ACTR3C: variants seen among roughly 807,000 people sequenced by gnomAD.
ACTR3C encodes the protein actin-related protein 3C.
ACTR3C carries 18 observed loss-of-function variants against 26.3 expected under a neutral mutation model. The ratio of observed to expected loss-of-function variants is 0.68; its 90% CI spans 0.47 to 1.01. The LOEUF is 1.01. Ranked by LOEUF, ACTR3C falls within the 50% of genes least tolerant of loss-of-function variation. The pLI, the probability that ACTR3C is intolerant of heterozygous loss-of-function variation, is 0.00. For missense variants in ACTR3C, 184 were observed against 250.7 expected (o/e 0.73, Z 1.80); for synonymous variants, 55 against 94.5 (o/e 0.58, Z 2.42).
the ACTR3C span, among the ~76,000 whole-genome samples, chr7:149,945,911 C>T: frequency 6.6e-6 from 1 of 152,100 alleles, no homozygotes; most frequent in Admixed American, 6.5e-5. Context: ...CACGGAGTCC[C>T]GGCAGGAAGC....
At chr7:150,087,492 T>A in the ACTR3C span, among the ~76,000 whole-genome samples, 1 of 152,146 alleles carries the variant, frequency 6.6e-6, no homozygotes, top group African/African-American at 2.4e-5. Flanking sequence ...ACTATGACCC[T>A]GGAGGTGAAG....
the ACTR3C span, among the ~76,000 whole-genome samples, chr7:150,108,650 A>G: frequency 8.6e-5 from 13 of 150,382 alleles, no homozygotes; most frequent in Non-Finnish European, 1.8e-4. Flanking sequence ...ATGGGGTTGC[A>G]GGAGAAGGTT....
At chr7:150,118,399 T>C in the ACTR3C span, among the ~76,000 whole-genome samples, 1,494 of 151,844 alleles carry the variant, frequency 9.8e-3, 26 homozygotes, top group African/African-American at 0.034. Flanking sequence ...AATGACCTGA[T>C]GGAGCTGAAA....
chr7:149,940,247 G>T, the ACTR3C span, among the ~76,000 whole-genome samples: 4 of 151,982 alleles, frequency 2.6e-5, no homozygotes, highest in Non-Finnish European at 5.9e-5. Flanking sequence ...GATCAGGAAA[G>T]ACATTTTATT....
At chr7:149,943,104 G>A in the ACTR3C span, among the ~76,000 whole-genome samples, 1 of 151,798 alleles carries the variant, frequency 6.6e-6, no homozygotes, top group African/African-American at 2.4e-5. Context: ...TATGGCCCCG[G>A]GGCCTGCTGT....
At chr7:150,323,206 A>G (rs998920) in intron 1 of ACTR3C, 198,151 of 227,882 alleles carry the variant, frequency 0.87, 86,891 homozygotes, top group East Asian at 1. Flanking sequence ...GCACTCAGGC[A>G]CCGCAGGTAG....
chr7:150,009,449 A>C, the ACTR3C span, among the ~76,000 whole-genome samples: 2 of 152,250 alleles, frequency 1.3e-5, no homozygotes, highest in Admixed American at 1.3e-4. Context: ...CCCTGTTCTC[A>C]GGATGGGATG....
At chr7:149,886,801 C>G in the ACTR3C span, among the ~76,000 whole-genome samples, 1 of 151,780 alleles carries the variant, frequency 6.6e-6, no homozygotes, top group African/African-American at 2.4e-5. Flanking sequence ...ACTAAAAATA[C>G]AAAAAGTAGT....
the ACTR3C span, among the ~76,000 whole-genome samples, chr7:150,169,410 A>G: frequency 1.4e-4 from 21 of 148,798 alleles, no homozygotes; most frequent in East Asian, 3.9e-3. Context: ...AAAAAAGAAG[A>G]AGAAGATGGA....
the ACTR3C span, among the ~76,000 whole-genome samples, chr7:150,164,843 G>T: frequency 6.6e-6 from 1 of 152,136 alleles, no homozygotes. Flanking sequence ...TTTCAACAAG[G>T]AAGGCCCCTT....
chr7:150,056,231 C>G, the ACTR3C span, among the ~76,000 whole-genome samples: 1 of 152,024 alleles, frequency 6.6e-6, no homozygotes, highest in Non-Finnish European at 1.5e-5. Context: ...AGAATGAAAC[C>G]TAACCTGGAA....
the ACTR3C span, among the ~76,000 whole-genome samples, chr7:149,929,157 G>C: frequency 6.6e-6 from 1 of 152,166 alleles, no homozygotes; most frequent in Admixed American, 6.5e-5. Flanking sequence ...ACCAGGCACA[G>C]TGGCTCACGC....
At chr7:150,018,085 A>G in the ACTR3C span, among the ~76,000 whole-genome samples, 5 of 150,404 alleles carry the variant, frequency 3.3e-5, no homozygotes, top group African/African-American at 1.0e-4. Flanking sequence ...TGGGAGTGGA[A>G]ACGGAGTCGT....
chr7:150,265,007 A>G lies in ACTR3C; in HGVS notation c.565-15953T>C, dbSNP rs150529248. 71 of 339,084 alleles carry G rather than the reference A, an allele frequency of 2.1e-4. 1 individual carries two copies. Among genetic ancestry groups the G allele is most frequent in the African/African-American group, 1.5e-3 (65 of 43,124 alleles). The allele number at this position is 339,084 out of a possible 1,614,324, so 21.0% of individuals were successfully genotyped here. The stretch of plus-strand genomic sequence containing the variant: ...AAGACATACATGGGCTCTTGTGCAT[A>G]AGGCTCTGTAATAATTTTTACCACT... On this transcript the variant is annotated intron_variant, in intron 6 of 7. Transcript: ENST00000683684.
intron 6 of ACTR3C, among the ~76,000 whole-genome samples, chr7:150,260,342 T>C (rs1176442235): frequency 3.3e-5 from 5 of 152,202 alleles, no homozygotes; most frequent in African/African-American, 9.7e-5. Context: ...ATTACAAGTA[T>C]GTCCAGATCA....
chr7:150,250,498 C>T (rs991091253), intron 6 of ACTR3C, among the ~76,000 whole-genome samples: 20 of 151,914 alleles, frequency 1.3e-4, no homozygotes, highest in Non-Finnish European at 2.9e-4. Flanking sequence ...CCACTGCGCC[C>T]GGCCGACTTG....
chr7:150,101,506 C>T, the ACTR3C span, among the ~76,000 whole-genome samples: 2 of 151,722 alleles, frequency 1.3e-5, no homozygotes, highest in East Asian at 3.8e-4. Context: ...GATTGTCCCA[C>T]ATCACAAAAC....
At chr7:150,185,527 A>G in the ACTR3C span, among the ~76,000 whole-genome samples, 4 of 152,168 alleles carry the variant, frequency 2.6e-5, no homozygotes, top group Non-Finnish European at 5.9e-5. Flanking sequence ...GGAATGATAC[A>G]CTGTGATTCT....
chr7:150,316,483 A>ATTTTTTTT (rs35767189), intron 1 of ACTR3C, among the ~76,000 whole-genome samples: 1 of 80,528 alleles, frequency 1.2e-5, no homozygotes, highest in Non-Finnish European at 2.7e-5. Context: ...GAATCTGGTT[A>ATTTTTTTT]TTTTTTTTTT....
Sources: allele counts gnomAD v4.1 joint callset (sites outside exome capture counted in the v4.1 genomes callset), GRCh38; gene constraint gnomAD v4.1.1; transcripts MANE v1.5; gene names NCBI Gene and HGNC (gene_info 2026-07-23, HGNC 2026-07-21).